Variants in KANSL1L observed in about 807,000 individuals in gnomAD.
The protein encoded by KANSL1L is KAT8 regulatory NSL complex subunit 1-like protein.
A neutral mutation model predicts 108.6 loss-of-function variants in KANSL1L; 25 were observed. That is an observed-to-expected ratio of 0.23 (90% CI 0.17 to 0.32). The LOEUF (loss-of-function observed/expected upper bound fraction) is 0.32. Ranked by LOEUF, KANSL1L falls within the 10% of genes least tolerant of loss-of-function variation. The pLI, the probability that KANSL1L is intolerant of heterozygous loss-of-function variation, is 1.00. For synonymous variants in KANSL1L, 405 were observed against 395.1 expected, an observed-to-expected ratio of 1.03 and a Z score of -0.30; for missense variants, 1,137 against 1,125.7, an observed-to-expected ratio of 1.01 and a Z score of -0.14.
In KANSL1L at chr2:210,070,698, C is replaced by T. The variant is rs562869872; in HGVS notation, c.1755+4854G>A. Among the ~76,000 whole-genome samples, 6 of 152,286 alleles carry T rather than the reference C, an allele frequency of 3.9e-5. No individual in the cohort carries two copies. In the South Asian group the frequency reaches 1.2e-3, roughly 32 times the overall value. On this transcript the variant is annotated intron_variant, in intron 6 of 14. Transcript: ENST00000281772. Reference sequence around the variant, plus strand: ...ATAACAAAATGCCACAACTGAGTGGCTGAAATAACAGTTCTGGAGGCTGGA... The same window carrying T: ...ATAACAAAATGCCACAACTGAGTGGTTGAAATAACAGTTCTGGAGGCTGGA...
chr2:210,085,332 G>A (rs1369323547), intron 5 of KANSL1L, among the ~76,000 whole-genome samples: 4 of 152,120 alleles, frequency 2.6e-5, no homozygotes, highest in African/African-American at 9.6e-5. Flanking sequence ...CTTTCTATAT[G>A]TCTGAAGTTT....
At chr2:210,095,384 T>G (rs898984413) in intron 5 of KANSL1L, among the ~76,000 whole-genome samples, 1 of 150,262 alleles carries the variant, frequency 6.7e-6, no homozygotes, top group Non-Finnish European at 1.5e-5. Flanking sequence ...TCCATCATGC[T>G]CTTGTCAAAG....
At position 210,153,652 on chromosome 2, in the gene KANSL1L, T is replaced by C. The variant is rs949920183; in HGVS notation, c.931A>G (p.Asn311Asp). The change falls in exon 2 of 15, where the codon AAT (asparagine) becomes GAT (aspartate). Residue 311 changes from asparagine to aspartate, a missense_variant. By Grantham distance (23) the Asn-to-Asp change is conservative (BLOSUM62 1). Coordinates refer to ENST00000281772, the MANE Select transcript of KANSL1L (RefSeq NM_152519.4). Reference protein sequence around the residue: ...AENKLWDDAKNGFARCTAAEI... With the variant: ...AENKLWDDAKDGFARCTAAEI... ...GCAGCTGTACACCGTGCAAAGCCAT[T>C]TTTTGCATCATCCCACAATTTATTC... is the stretch of plus-strand genomic sequence containing the variant. The C allele has an allele frequency of 1.9e-6, 3 of 1,610,814 alleles. No individual in the cohort carries two copies. The highest frequency in any genetic ancestry group is 2.5e-6 in the Non-Finnish European group (3 of 1,178,802).
At chr2:210,085,267 T>C (rs549053137) in intron 5 of KANSL1L, among the ~76,000 whole-genome samples, 1 of 152,296 alleles carries the variant, frequency 6.6e-6, no homozygotes, top group East Asian at 1.9e-4. Context: ...ACAAAAGAAT[T>C]AGCAAAATTT....
chr2:210,061,809 T>C (rs534365171), intron 6 of KANSL1L, among the ~76,000 whole-genome samples: 6 of 152,320 alleles, frequency 3.9e-5, no homozygotes, highest in African/African-American at 1.4e-4. Context: ...CAATTGTTTA[T>C]ATGGGCTAGT....
intron 2 of KANSL1L, among the ~76,000 whole-genome samples, chr2:210,131,606 T>C (rs1002784710): frequency 2.0e-5 from 3 of 152,274 alleles, no homozygotes; most frequent in Non-Finnish European, 1.5e-5. Context: ...ATGATGTTCA[T>C]ATACTAGACT....
At chr2:210,025,567 A>G (rs2093925094) in intron 12 of KANSL1L, among the ~76,000 whole-genome samples, 1 of 152,206 alleles carries the variant, frequency 6.6e-6, no homozygotes, top group Non-Finnish European at 1.5e-5. Context: ...AAAAAGAAAT[A>G]TAAGATCAGG....
intron 1 of KANSL1L, among the ~76,000 whole-genome samples, chr2:210,168,351 T>C (rs1688111562): frequency 6.6e-6 from 1 of 152,056 alleles, no homozygotes; most frequent in Admixed American, 6.5e-5. Flanking sequence ...AGAGATTATC[T>C]GAATACATGA....
rs895921250 is a variant in KANSL1L at position 210,136,293 on chromosome 2, G to GA, written c.1089-7122dup. ...ATTATCTATCCTCCCACCCCTCAAA[G>GA]AAAAAAAAGAAAAAAAAGGAGAGAT... On this transcript the variant is annotated intron_variant, in intron 2 of 14. Coordinates refer to ENST00000281772, the MANE Select transcript of KANSL1L (RefSeq NM_152519.4). Among the ~76,000 whole-genome samples the GA allele has an allele frequency of 6.0e-5, 9 of 149,584 alleles. 1 individual carries two copies. Among genetic ancestry groups the GA allele is most frequent in the African/African-American group, 2.2e-4 (9 of 40,734 alleles).
chr2:210,027,768 T>A (rs2093957423), intron 11 of KANSL1L, among the ~76,000 whole-genome samples: 1 of 152,202 alleles, frequency 6.6e-6, no homozygotes, highest in Admixed American at 6.5e-5. Flanking sequence ...CACAGAAGTC[T>A]TCTATATTTA....
At chr2:210,120,035 A>T (rs1310286449) in intron 3 of KANSL1L, among the ~76,000 whole-genome samples, 1 of 152,158 alleles carries the variant, frequency 6.6e-6, no homozygotes, top group Non-Finnish European at 1.5e-5. Flanking sequence ...ACACACCTAC[A>T]ACTGTCTGAT....
chr2:210,154,548 C>A lies in KANSL1L; in HGVS notation c.35G>T (p.Gly12Val). ...TPALREATAK[G>V]ISFSSLPSTM... is the part of the protein sequence containing the mutation. ...ACTTGGCAAAGATGAAAAGCTGATA[C>A]CCTTTGCTGTTGCCTCCCTCAGAGC... The change falls in exon 2 of 15, where the codon GGT becomes GTT. Residue 12 changes from glycine to valine, a missense_variant. This residue lies in a region of KANSL1L where 556 missense variants were observed against 537.7 expected (regional missense o/e 1.03). Coordinates refer to ENST00000281772, the MANE Select transcript of KANSL1L (RefSeq NM_152519.4). 1 of 1,552,750 alleles carries A rather than the reference C, an allele frequency of 6.4e-7. No individual in the cohort carries two copies. Among genetic ancestry groups the A allele is most frequent in the Non-Finnish European group, 8.7e-7 (1 of 1,149,412 alleles).
At chr2:210,123,354 A>G (rs570316263) in intron 3 of KANSL1L, among the ~76,000 whole-genome samples, 2 of 152,310 alleles carry the variant, frequency 1.3e-5, no homozygotes, top group South Asian at 4.1e-4. Flanking sequence ...AGTGATAAAA[A>G]AGACTGAGAT....
At chr2:210,126,847 G>C (rs941612267) in intron 3 of KANSL1L, among the ~76,000 whole-genome samples, 1 of 151,884 alleles carries the variant, frequency 6.6e-6, no homozygotes, top group Admixed American at 6.6e-5. Context: ...TAACAAATCT[G>C]GAAGACTCAC....
In KANSL1L at chr2:210,104,094, T is replaced by C. The variant is rs2125433133; in HGVS notation, c.1428+10A>G. On this transcript the variant is annotated intron_variant, in intron 4 of 14. Coordinates refer to ENST00000281772, the MANE Select transcript of KANSL1L (RefSeq NM_152519.4). ...ATTTCATACCACTGATATCCTTACTTTGACTTTACCTGTTTTTCGATGTTT... is the reference window on the plus strand; with the variant it reads ...ATTTCATACCACTGATATCCTTACTCTGACTTTACCTGTTTTTCGATGTTT... 6.2e-7 allele frequency: 1 copy of C among 1,604,446 alleles called. No individual in the cohort carries two copies. Among genetic ancestry groups the C allele is most frequent in the East Asian group, 2.2e-5 (1 of 44,792 alleles).
Position 210,154,289 on chromosome 2 carries a change from T to C in KANSL1L, c.294A>G (p.Gln98=), listed in dbSNP as rs995792667. 5 of 1,613,268 alleles carry C rather than the reference T, an allele frequency of 3.1e-6. No individual in the cohort carries two copies. Among genetic ancestry groups the C allele is most frequent in the Non-Finnish European group, 3.4e-6 (4 of 1,179,496 alleles). The change falls in exon 2 of 15, where the codon CAA becomes CAG. Residue 98 remains glutamine (Q), a synonymous_variant. Coordinates refer to ENST00000281772, the MANE Select transcript of KANSL1L (RefSeq NM_152519.4). ...TLNKHNENYK[Q]KKLGEPSCNK... Reference sequence around the variant, plus strand: ...TGCAACTGGGCTCCCCTAATTTCTTTTGTTTATAATTCTCATTGTGTTTAT... The same window carrying C: ...TGCAACTGGGCTCCCCTAATTTCTTCTGTTTATAATTCTCATTGTGTTTAT...
intron 3 of KANSL1L, among the ~76,000 whole-genome samples, chr2:210,126,282 A>C (rs1346335163): frequency 1.3e-5 from 2 of 152,222 alleles, no homozygotes; most frequent in Admixed American, 6.5e-5. Flanking sequence ...AGACTTGTAT[A>C]AACTACAAAA....
intron 3 of KANSL1L, 82 bp downstream of exon 3, chr2:210,128,949 C>A: frequency 8.8e-7 from 1 of 1,133,930 alleles, no homozygotes; most frequent in Non-Finnish European, 1.2e-6. Context: ...AACCTTGTAA[C>A]AATTATTTTT....
At chr2:210,034,635 CTA>C (rs1029060078) in intron 8 of KANSL1L, among the ~76,000 whole-genome samples, 4 of 152,176 alleles carry the variant, frequency 2.6e-5, no homozygotes, top group African/African-American at 9.7e-5. Context: ...GATTAAAAGT[CTA>C]TTTCAGCAGT....
Sources: allele counts gnomAD v4.1 joint callset (sites outside exome capture counted in the v4.1 genomes callset), GRCh38; gene constraint gnomAD v4.1.1; regional missense constraint gnomAD v4.1.1; transcripts MANE v1.5; gene names NCBI Gene and HGNC (gene_info 2026-07-23, HGNC 2026-07-21).